Variants in C1orf21 observed in about 807,000 individuals in gnomAD.
C1orf21 encodes uncharacterized protein C1orf21.
Under a neutral mutation model 18.7 loss-of-function variants are expected in C1orf21, and 3 were observed. That is an observed-to-expected ratio of 0.16 (90% confidence interval 0.07 to 0.42). The LOEUF is 0.42. Ranked by LOEUF, C1orf21 falls within the 10% of genes least tolerant of loss-of-function variation. The pLI, the probability that C1orf21 is intolerant of heterozygous loss-of-function variation, is 0.99. For synonymous variants in C1orf21, 41 were observed against 46.4 expected (o/e 0.88, Z 0.47); for missense variants, 104 against 143.6 (o/e 0.72, Z 1.41).
chr1:184,609,321 A>AT (rs1285060064), intron 5 of C1orf21, among the ~76,000 whole-genome samples: 1 of 151,442 alleles, frequency 6.6e-6, no homozygotes, highest in Admixed American at 6.6e-5. Context: ...CTCTTTCTGT[A>AT]TTTCCTGGTT....
At chr1:184,582,964 G>A (rs1335890596) in intron 3 of C1orf21, among the ~76,000 whole-genome samples, 1 of 152,020 alleles carries the variant, frequency 6.6e-6, no homozygotes, top group African/African-American at 2.4e-5. Context: ...TCAGCCTCCC[G>A]AGTAGCTGGG....
chr1:184,597,563 T>G (rs1361413854), intron 4 of C1orf21, among the ~76,000 whole-genome samples: 1 of 151,274 alleles, frequency 6.6e-6, no homozygotes, highest in Non-Finnish European at 1.5e-5. Flanking sequence ...TAAAGGAAAC[T>G]CTGTGTGATA....
chr1:184,555,625 C>A (rs182039338), intron 3 of C1orf21, among the ~76,000 whole-genome samples: 3 of 152,160 alleles, frequency 2.0e-5, no homozygotes, highest in Admixed American at 2.0e-4. Context: ...GCCAGAGCAG[C>A]CTTGTGCCCC....
chr1:184,600,994 C>T (rs1659577771), intron 5 of C1orf21, among the ~76,000 whole-genome samples: 1 of 152,158 alleles, frequency 6.6e-6, no homozygotes, highest in Non-Finnish European at 1.5e-5. Context: ...AAATTTCTTC[C>T]AAATTGTTTT....
chr1:184,571,019 C>T (rs371903219), intron 3 of C1orf21, among the ~76,000 whole-genome samples: 2 of 152,194 alleles, frequency 1.3e-5, no homozygotes, highest in African/African-American at 4.8e-5. Context: ...TAAGGCCGGG[C>T]GCGGTGGCTC....
intron 5 of C1orf21, among the ~76,000 whole-genome samples, chr1:184,602,594 C>G (rs929980474): frequency 2.6e-5 from 4 of 152,072 alleles, no homozygotes; most frequent in Non-Finnish European, 5.9e-5. Context: ...TTCTGTGGAG[C>G]AAAATAGTGA....
intron 2 of C1orf21, among the ~76,000 whole-genome samples, chr1:184,497,886 C>CAACATT (rs777672402): frequency 6.6e-6 from 1 of 152,118 alleles, no homozygotes; most frequent in Non-Finnish European, 1.5e-5. Flanking sequence ...AACCACAGCA[C>CAACATT]AACATTCTGA....
chr1:184,519,216 C>T (rs1397904221), intron 3 of C1orf21, among the ~76,000 whole-genome samples: 1 of 152,160 alleles, frequency 6.6e-6, no homozygotes, highest in Non-Finnish European at 1.5e-5. Flanking sequence ...AACATGCTTT[C>T]CTTAGATGCA....
intron 1 of C1orf21, among the ~76,000 whole-genome samples, chr1:184,419,521 G>A (rs72735674): frequency 0.037 from 5,673 of 152,160 alleles, 173 homozygotes; most frequent in Non-Finnish European, 0.055. Context: ...GTTTCACTGA[G>A]CAATGCAAAT....
chr1:184,415,606 A>T (rs74541726), intron 1 of C1orf21, among the ~76,000 whole-genome samples: 2,027 of 152,232 alleles, frequency 0.013, 23 homozygotes, highest in South Asian at 0.049. Context: ...GAAAAGCATT[A>T]AAAAAATGAA....
At chr1:184,570,804 A>G (rs1659097110) in intron 3 of C1orf21, among the ~76,000 whole-genome samples, 1 of 152,140 alleles carries the variant, frequency 6.6e-6, no homozygotes, top group South Asian at 2.1e-4. Flanking sequence ...GTTCAAAGAA[A>G]TGCATCCTTA....
chr1:184,423,952 G>A (rs927597318), intron 1 of C1orf21, among the ~76,000 whole-genome samples: 1 of 152,002 alleles, frequency 6.6e-6, no homozygotes, highest in Non-Finnish European at 1.5e-5. Flanking sequence ...GTAGGTGCTG[G>A]CAACGTAAAG....
chr1:184,487,551 A>G (rs1657751148), intron 2 of C1orf21, among the ~76,000 whole-genome samples: 1 of 152,232 alleles, frequency 6.6e-6, no homozygotes, highest in Non-Finnish European at 1.5e-5. Context: ...ACACATTGAT[A>G]TTAAGTCCAA....
At chr1:184,486,831 A>G (rs1354531864) in intron 2 of C1orf21, among the ~76,000 whole-genome samples, 9 of 152,258 alleles carry the variant, frequency 5.9e-5, no homozygotes, top group Admixed American at 5.9e-4. Context: ...CTGGGTTGCA[A>G]GATGAGGGAG....
chr1:184,490,335 A>AGGCAAAAGGTCTCTT (rs1657798728), intron 2 of C1orf21, among the ~76,000 whole-genome samples: 1 of 152,242 alleles, frequency 6.6e-6, no homozygotes, highest in Non-Finnish European at 1.5e-5. Context: ...TAGGGTGATA[A>AGGCAAAAGGTCTCTT]GGCAAAAGGT....
chr1:184,528,213 T>C (rs994690949), intron 3 of C1orf21, among the ~76,000 whole-genome samples: 3 of 152,338 alleles, frequency 2.0e-5, no homozygotes, highest in Non-Finnish European at 2.9e-5. Context: ...TAGTAAAGTA[T>C]GGAACCAGTA....
intron 1 of C1orf21, among the ~76,000 whole-genome samples, chr1:184,453,165 T>G (rs1015162194): frequency 6.6e-6 from 1 of 152,210 alleles, no homozygotes; most frequent in Non-Finnish European, 1.5e-5. Context: ...GCCAGAGTTG[T>G]GCTCTAGCCA....
chr1:184,572,033 G>A (rs987838251), intron 3 of C1orf21, among the ~76,000 whole-genome samples: 1 of 152,180 alleles, frequency 6.6e-6, no homozygotes, highest in African/African-American at 2.4e-5. Flanking sequence ...CACATGGCAG[G>A]ACTTGTGCCT....
At position 184,477,551 on chromosome 1, in the gene C1orf21, T is replaced by C. The variant is rs781349439; in HGVS notation, c.42T>C (p.Asn14=). The C allele has an allele frequency of 5.6e-6, 9 of 1,613,882 alleles. No homozygotes were observed. Among genetic ancestry groups the C allele is most frequent in the Non-Finnish European group, 6.8e-6 (8 of 1,179,914 alleles). Residue 14 remains asparagine (N), a synonymous_variant, in exon 2 of 6, where the codon AAT becomes AAC. Transcript: ENST00000235307. ...CCAAGCATGTTGCCACTGTTCAAAA[T>C]GAAGAGGAAGCCCAGAAAGGGAAAA... The part of the protein sequence containing the change: ...ASAKHVATVQ[N]EEEAQKGKNY...
Sources: gnomAD v4.1 joint callset for allele counts (sites outside exome capture counted in the v4.1 genomes callset) on GRCh38, gnomAD v4.1.1 for gene constraint, MANE v1.5 for transcripts, NCBI Gene and HGNC (gene_info 2026-07-23, HGNC 2026-07-21) for gene names.